Variants in NCKAP1L observed in about 807,000 individuals in gnomAD.
NCKAP1L encodes nck-associated protein 1-like.
Under a neutral mutation model 139.2 loss-of-function variants are expected in NCKAP1L, and 53 were observed. The observed-to-expected ratio is 0.38, with a 90% CI of 0.31 to 0.48. The LOEUF is 0.48. Among genes scored for constraint, NCKAP1L ranks in the 20% least tolerant of loss-of-function variants. The probability of loss-of-function intolerance (pLI) is 0.98; values close to 1 mark genes in which losing one functional copy is unlikely to be tolerated. For missense variants in NCKAP1L, 1,151 were observed against 1,381.9 expected, an observed-to-expected ratio of 0.83 and a Z score of 2.65; for synonymous variants, 468 against 499.7, an observed-to-expected ratio of 0.94 and a Z score of 0.85.
At chr12:54,503,286 A>G (rs1956815422) in intron 3 of NCKAP1L, among the ~76,000 whole-genome samples, 1 of 152,124 alleles carries the variant, frequency 6.6e-6, no homozygotes, top group African/African-American at 2.4e-5. Context: ...AATAATGAGC[A>G]TGTATTATTT....
At position 54,509,673 on chromosome 12, in the gene NCKAP1L, C is replaced by T. The variant is rs1956871401; in HGVS notation, c.511C>T (p.Pro171Ser). 3 of 1,613,096 alleles carry T rather than the reference C, an allele frequency of 1.9e-6. No individual in the cohort carries two copies. The highest frequency in any genetic ancestry group is 1.7e-5 in the Admixed American group (1 of 59,980). Residue 171 changes from proline (P) to serine (S), a missense_variant, in exon 6 of 31, where the codon CCC becomes TCC. Coordinates refer to ENST00000293373, the MANE Select transcript of NCKAP1L (RefSeq NM_005337.5). ...AHEMLHGHGD[P>S]SFARLGQMVL... ...CTCTCCTCTGCTTTCTTCTAGTGAC[C>T]CCAGTTTTGCCCGTCTGGGTCAGAT...
At chr12:54,503,562 G>A (rs1020961940) in intron 3 of NCKAP1L, among the ~76,000 whole-genome samples, 2 of 151,558 alleles carry the variant, frequency 1.3e-5, no homozygotes, top group African/African-American at 4.8e-5. Context: ...TTCAGAGTAT[G>A]TGCCCACAAA....
intron 29 of NCKAP1L, among the ~76,000 whole-genome samples, chr12:54,538,351 T>A (rs1374318280): frequency 6.6e-6 from 1 of 152,210 alleles, no homozygotes; most frequent in African/African-American, 2.4e-5. Flanking sequence ...TTTTATCCTC[T>A]GTTTGCTAAA....
In NCKAP1L at chr12:54,516,881, C is replaced by G. The variant is rs774335600; in HGVS notation, c.999-15C>G. On this transcript the variant is annotated splice_polypyrimidine_tract_variant and intron_variant, in intron 10 of 30. Transcript: ENST00000293373. ...GTGGGAGAGGTGATAGTCATGTTCC[C>G]CTTTTCTTCCTTAGTGGCCAGTTTC... 2 of 1,609,582 alleles carry G rather than the reference C, an allele frequency of 1.2e-6. No homozygotes were observed. The highest frequency in any genetic ancestry group is 3.3e-5 in the Admixed American group (2 of 59,882).
At chr12:54,540,850 G>A (rs1219940530) in intron 30 of NCKAP1L, among the ~76,000 whole-genome samples, 1 of 152,228 alleles carries the variant, frequency 6.6e-6, no homozygotes, top group African/African-American at 2.4e-5. Context: ...ACAGAGTGAC[G>A]GGAACAGAGC....
chr12:54,513,165 T>C (rs914323674), intron 9 of NCKAP1L, among the ~76,000 whole-genome samples: 1 of 152,186 alleles, frequency 6.6e-6, no homozygotes, highest in Non-Finnish European at 1.5e-5. Flanking sequence ...TGGGCAAAAC[T>C]AGAGGCAGAG....
At position 54,498,953 on chromosome 12, in the gene NCKAP1L, T is replaced by A. The variant is rs113322650; in HGVS notation, c.103-402T>A. ...TTTATTTATTTATTTATTTTCGGAG[T>A]CTCGCTCTGTCGCCCAGGCTGGAGT... On this transcript the variant is annotated intron_variant, in intron 1 of 30. Coordinates refer to ENST00000293373, the MANE Select transcript of NCKAP1L (RefSeq NM_005337.5). 2,730 of 380,184 alleles carry A rather than the reference T, an allele frequency of 7.2e-3. 85 individuals carry two copies. The highest frequency in any genetic ancestry group is 0.056 in the African/African-American group (2,564 of 45,480). 23.6% of individuals were successfully genotyped at this position (380,184 alleles called of 1,614,324 possible).
chr12:54,531,184 A>T, intron 22 of NCKAP1L, 76 bp from the exon 23 acceptor site: 1 of 1,118,042 alleles, frequency 8.9e-7, no homozygotes, highest in Non-Finnish European at 1.3e-6. Context: ...TAAATATTCA[A>T]ATTACCCTAT....
At position 54,535,116 on chromosome 12, in the gene NCKAP1L, A is replaced by C; in HGVS notation, c.2875A>C (p.Ile959Leu). 1 of 1,613,388 alleles carries C rather than the reference A, an allele frequency of 6.2e-7. No individual in the cohort carries two copies. The highest frequency in any genetic ancestry group is 8.5e-7 in the Non-Finnish European group (1 of 1,179,642). Residue 959 changes from isoleucine to leucine, a missense_variant, in exon 27 of 31, where the codon ATC becomes CTC. Ile to Leu is a conservative substitution (Grantham distance 5). Transcript: ENST00000293373. ...TTCTTCTCTCCAGGTGACCTTGAGT[A>C]TCTTTGAGCTGGCATCTGCTGCAGG... ...PDTDIKVTLSIFELASAAGVG... is the reference protein window; with the variant it reads ...PDTDIKVTLSLFELASAAGVG...
At chr12:54,519,955 T>C (rs913371799) in intron 16 of NCKAP1L, among the ~76,000 whole-genome samples, 5 of 147,026 alleles carry the variant, frequency 3.4e-5, no homozygotes, top group African/African-American at 1.3e-4. Context: ...TGGACAGGAG[T>C]GAAAATAAGT....
chr12:54,508,259 C>A (rs994052196), intron 4 of NCKAP1L, 130 bp from the exon 5 acceptor site: 2 of 987,990 alleles, frequency 2.0e-6, no homozygotes, highest in Non-Finnish European at 1.5e-6. Context: ...TCTTTTCAAT[C>A]CTGTCAGTTC....
intron 27 of NCKAP1L, among the ~76,000 whole-genome samples, chr12:54,535,703 T>C (rs1957108929): frequency 6.6e-6 from 1 of 152,244 alleles, no homozygotes; most frequent in African/African-American, 2.4e-5. Flanking sequence ...CAGTCATACC[T>C]ATACACACTC....
At chr12:54,528,611 ATCTTCTTCTTCT>A (rs113269671) in intron 22 of NCKAP1L, among the ~76,000 whole-genome samples, 14 of 150,120 alleles carry the variant, frequency 9.3e-5, no homozygotes, top group Non-Finnish European at 1.9e-4. Context: ...CTGTCATGGC[ATCTTCTTCTTCT>A]TCTTCTTCTT....
At chr12:54,503,011 A>G (rs1255209218) in intron 3 of NCKAP1L, among the ~76,000 whole-genome samples, 1 of 151,136 alleles carries the variant, frequency 6.6e-6, no homozygotes, top group African/African-American at 2.4e-5. Context: ...TCTCAAAAAA[A>G]AAAAAAAAGA....
intron 30 of NCKAP1L, 36 bp from the exon 31 acceptor site, chr12:54,542,539 C>T (rs150649507): frequency 3.2e-4 from 474 of 1,485,974 alleles, no homozygotes; most frequent in Non-Finnish European, 4.0e-4. Flanking sequence ...AAATGCCCTA[C>T]CTGAGGTTCT....
intron 22 of NCKAP1L, among the ~76,000 whole-genome samples, chr12:54,530,755 T>A (rs908285837): frequency 1.3e-5 from 2 of 152,214 alleles, no homozygotes; most frequent in Admixed American, 6.5e-5. Context: ...TTCAGAGGAC[T>A]CATAACATCA....
intron 21 of NCKAP1L, 60 bp downstream of exon 21, chr12:54,526,806 C>G: frequency 1.4e-6 from 2 of 1,457,820 alleles, no homozygotes; most frequent in Non-Finnish European, 1.9e-6. Context: ...TTCCTTTACA[C>G]GGTAGGACCT....
intron 7 of NCKAP1L, among the ~76,000 whole-genome samples, chr12:54,510,956 GA>G: frequency 6.6e-6 from 1 of 152,274 alleles, no homozygotes; most frequent in South Asian, 2.1e-4. Context: ...GCCTGGCCAG[GA>G]ATCAATTAAT....
chr12:54,540,753 C>T (rs1957151536), intron 30 of NCKAP1L, among the ~76,000 whole-genome samples: 1 of 152,198 alleles, frequency 6.6e-6, no homozygotes, highest in African/African-American at 2.4e-5. Context: ...TATTACCCAC[C>T]TGTATTCTTA....
Sources: allele counts gnomAD v4.1 joint callset (sites outside exome capture counted in the v4.1 genomes callset), GRCh38; gene constraint gnomAD v4.1.1; transcripts MANE v1.5; gene names NCBI Gene and HGNC (gene_info 2026-07-23, HGNC 2026-07-21).